Variants in HCN1 observed in about 807,000 individuals in gnomAD.
HCN1 encodes the protein potassium/sodium hyperpolarization-activated cyclic nucleotide-gated channel 1.
Under a neutral mutation model 78.9 loss-of-function variants are expected in HCN1, and 13 were observed. The observed-to-expected ratio is 0.16, with a 90% CI of 0.11 to 0.26. HCN1 has a LOEUF of 0.26. Among genes scored for constraint, HCN1 ranks in the 10% least tolerant of loss-of-function variants. The pLI, the probability that HCN1 is intolerant of heterozygous loss-of-function variation, is 1.00. For synonymous variants in HCN1, 552 were observed against 455.5 expected, an observed-to-expected ratio of 1.21 and a Z score of -2.70; for missense variants, 810 against 1,154.3, an observed-to-expected ratio of 0.70 and a Z score of 4.32.
chr5:45,654,625 A>G (rs942759260), intron 1 of HCN1, among the ~76,000 whole-genome samples: 8 of 152,174 alleles, frequency 5.3e-5, no homozygotes, highest in Non-Finnish European at 7.4e-5. Flanking sequence ...AAGGACAAAG[A>G]GAATACTGAC....
intron 4 of HCN1, among the ~76,000 whole-genome samples, chr5:45,376,838 C>G (rs904684825): frequency 6.6e-6 from 1 of 151,792 alleles, no homozygotes; most frequent in East Asian, 1.9e-4. Context: ...GGTAAGGGAG[C>G]CAGTTAAAAT....
intron 4 of HCN1, among the ~76,000 whole-genome samples, chr5:45,375,752 TATC>T (rs1391517371): frequency 1.1e-3 from 125 of 113,584 alleles, no homozygotes; most frequent in African/African-American, 3.7e-3. Flanking sequence ...TTATATATAA[TATC>T]ATATTTTATG....
intron 3 of HCN1, among the ~76,000 whole-genome samples, chr5:45,413,770 A>G: frequency 6.6e-6 from 1 of 152,062 alleles, no homozygotes; most frequent in East Asian, 1.9e-4. Flanking sequence ...TTTAGAATGC[A>G]CTATGACATT....
At chr5:45,672,159 T>G (rs544262583) in intron 1 of HCN1, among the ~76,000 whole-genome samples, 16 of 151,666 alleles carry the variant, frequency 1.1e-4, no homozygotes, top group Admixed American at 4.0e-4. Context: ...AAAAACACCA[T>G]GGGAACAATG....
chr5:45,426,522 AGG>A (rs1344965282), intron 3 of HCN1, among the ~76,000 whole-genome samples: 1 of 152,188 alleles, frequency 6.6e-6, no homozygotes, highest in Non-Finnish European at 1.5e-5. Flanking sequence ...GGTTTTACAA[AGG>A]GGAGTTTCCC....
chr5:45,388,498 G>A (rs201905394), intron 4 of HCN1, among the ~76,000 whole-genome samples: 2 of 152,198 alleles, frequency 1.3e-5, no homozygotes, highest in Admixed American at 6.5e-5. Flanking sequence ...TCTCTGGACC[G>A]GTAGCAGCAG....
intron 4 of HCN1, among the ~76,000 whole-genome samples, chr5:45,393,933 A>T (rs1258649312): frequency 6.6e-6 from 1 of 152,144 alleles, no homozygotes; most frequent in African/African-American, 2.4e-5. Flanking sequence ...TATCAATTCT[A>T]TATAGAGATC....
chr5:45,270,380 G>A (rs1266911294), intron 6 of HCN1, among the ~76,000 whole-genome samples: 3 of 152,160 alleles, frequency 2.0e-5, no homozygotes, highest in Non-Finnish European at 4.4e-5. Context: ...GGTAACTACT[G>A]TTAGTGATTG....
chr5:45,531,378 G>C (rs1255210968), intron 2 of HCN1, among the ~76,000 whole-genome samples: 1 of 151,926 alleles, frequency 6.6e-6, no homozygotes, highest in Admixed American at 6.6e-5. Context: ...CTGAAATAGG[G>C]GACTCTGCTC....
chr5:45,315,620 C>T (rs949521723), intron 5 of HCN1, among the ~76,000 whole-genome samples: 4 of 152,010 alleles, frequency 2.6e-5, no homozygotes, highest in African/African-American at 9.7e-5. Flanking sequence ...AACCATGAAT[C>T]CAGGAGCTGG....
At chr5:45,460,657 T>C (rs1292534945) in intron 3 of HCN1, among the ~76,000 whole-genome samples, 1 of 151,386 alleles carries the variant, frequency 6.6e-6, no homozygotes, top group Non-Finnish European at 1.5e-5. Context: ...TCTAGGTAAA[T>C]ATAATAAATA....
At chr5:45,547,148 A>T (rs1300775201) in intron 2 of HCN1, among the ~76,000 whole-genome samples, 1 of 152,078 alleles carries the variant, frequency 6.6e-6, no homozygotes, top group African/African-American at 2.4e-5. Context: ...AGTAAAATCT[A>T]AATTGTTAAT....
chr5:45,689,626 C>T (rs553170243), intron 1 of HCN1, among the ~76,000 whole-genome samples: 21 of 151,908 alleles, frequency 1.4e-4, no homozygotes, highest in Non-Finnish European at 2.8e-4. Context: ...TCAGGTTGTT[C>T]TAGGAGCTAA....
intron 6 of HCN1, among the ~76,000 whole-genome samples, chr5:45,289,581 G>A (rs1745332114): frequency 6.6e-6 from 1 of 152,044 alleles, no homozygotes; most frequent in South Asian, 2.1e-4. Context: ...TGTGGCAAAG[G>A]ATGAATACAT....
At chr5:45,579,651 G>C (rs1392592856) in intron 2 of HCN1, among the ~76,000 whole-genome samples, 1 of 152,004 alleles carries the variant, frequency 6.6e-6, no homozygotes, top group East Asian at 1.9e-4. Flanking sequence ...TTCAATCTAA[G>C]GTTTAGATAT....
At chr5:45,531,574 T>A (rs1250257526) in intron 2 of HCN1, among the ~76,000 whole-genome samples, 2 of 152,152 alleles carry the variant, frequency 1.3e-5, no homozygotes, top group African/African-American at 2.4e-5. Flanking sequence ...TCCCTTCCCC[T>A]TTAATTTATC....
rs1465028502 is a variant in HCN1 at position 45,375,838 on chromosome 5, TATATA to T, written c.1230+20649_1230+20653del. ...ATATAATATTTTATGATATATCTTA[TATATA>T]ATATAATATTTTATGATATATCTTA... On this transcript the variant is annotated intron_variant, in intron 4 of 7. Transcript: ENST00000303230. 3.3e-5 allele frequency among the ~76,000 whole-genome samples: 4 copies of T among 121,034 alleles called. No individual in the cohort carries two copies. The East Asian group carries it at 7.0e-4, about 21-fold the overall frequency. 79.4% of individuals were successfully genotyped at this position (121,034 alleles called of 152,430 possible). A position where few individuals can be genotyped will look rare whatever the true frequency, so the allele number is the denominator to read the frequency against.
chr5:45,474,901 A>G (rs1741480851), intron 2 of HCN1, among the ~76,000 whole-genome samples: 1 of 151,992 alleles, frequency 6.6e-6, no homozygotes, highest in East Asian at 1.9e-4. Context: ...GAAAGGGAAA[A>G]TGAATGAATA....
intron 1 of HCN1, among the ~76,000 whole-genome samples, chr5:45,665,115 G>A (rs1195903511): frequency 6.6e-6 from 1 of 151,794 alleles, no homozygotes; most frequent in Admixed American, 6.6e-5. Context: ...ATACTATGTA[G>A]CCATAAAAAA....
Sources: allele counts gnomAD v4.1 joint callset (sites outside exome capture counted in the v4.1 genomes callset), GRCh38; gene constraint gnomAD v4.1.1; transcripts MANE v1.5; gene names NCBI Gene and HGNC (gene_info 2026-07-23, HGNC 2026-07-21).